The following EIPR1 variants were observed in gnomAD, a reference collection of about 807,000 sequenced individuals.
EIPR1 encodes the protein EARP and GARP complex-interacting protein 1.
Under a neutral mutation model 48.1 loss-of-function variants are expected in EIPR1, and 25 were observed. The ratio of observed to expected loss-of-function variants is 0.52; its 90% CI spans 0.38 to 0.73. The LOEUF (loss-of-function observed/expected upper bound fraction) is 0.73, where lower values mean the gene tolerates loss of function less well. EIPR1 is among the 30% of genes least tolerant of loss of function. The pLI, the probability that EIPR1 is intolerant of heterozygous loss-of-function variation, is 0.00. For missense variants in EIPR1, 415 were observed against 506.2 expected, an observed-to-expected ratio of 0.82 and a Z score of 1.73; for synonymous variants, 204 against 201.9, an observed-to-expected ratio of 1.01 and a Z score of -0.09.
At chr2:3,362,897 G>A (rs1233689395) in intron 1 of EIPR1, among the ~76,000 whole-genome samples, 3 of 152,174 alleles carry the variant, frequency 2.0e-5, no homozygotes, top group Non-Finnish European at 4.4e-5. Context: ...ACAGCAACAG[G>A]TGCCCAGGCT....
At chr2:3,239,203 G>A (rs575554320) in intron 4 of EIPR1, among the ~76,000 whole-genome samples, 2 of 152,342 alleles carry the variant, frequency 1.3e-5, no homozygotes, top group South Asian at 4.1e-4. Flanking sequence ...TCTGGGGACA[G>A]GCCCCATCAG....
At chr2:3,373,323 G>C (rs1283972100) in intron 1 of EIPR1, among the ~76,000 whole-genome samples, 1 of 151,860 alleles carries the variant, frequency 6.6e-6, no homozygotes, top group Non-Finnish European at 1.5e-5. Context: ...ACTGGCACAA[G>C]ACAGGGATGC....
intron 6 of EIPR1, among the ~76,000 whole-genome samples, chr2:3,194,967 ACACT>A (rs1279867598): frequency 6.6e-6 from 1 of 152,338 alleles, no homozygotes; most frequent in Middle Eastern, 3.4e-3. Flanking sequence ...GTGCGTTCTC[ACACT>A]CACGCGTGCA....
intron 3 of EIPR1, among the ~76,000 whole-genome samples, chr2:3,269,607 T>TCATCA (rs1667634842): frequency 9.2e-6 from 1 of 108,334 alleles, no homozygotes. Context: ...TCAATCGCAC[T>TCATCA]CAATCATCAC....
intron 4 of EIPR1, among the ~76,000 whole-genome samples, chr2:3,237,321 G>A (rs1666439365): frequency 1.3e-5 from 2 of 149,944 alleles, no homozygotes; most frequent in Admixed American, 6.7e-5. Context: ...CACAGTTGCA[G>A]TTACCTGAGG....
At chr2:3,330,041 T>C (rs1669839120) in intron 3 of EIPR1, among the ~76,000 whole-genome samples, 1 of 152,234 alleles carries the variant, frequency 6.6e-6, no homozygotes, top group Admixed American at 6.5e-5. Context: ...TCTAATGATC[T>C]TGCGGCACCA....
chr2:3,277,468 T>C (rs1367316941), intron 3 of EIPR1, among the ~76,000 whole-genome samples: 1 of 152,222 alleles, frequency 6.6e-6, no homozygotes, highest in Non-Finnish European at 1.5e-5. Flanking sequence ...CCTTACCAGG[T>C]GATGGGTGGC....
intron 3 of EIPR1, among the ~76,000 whole-genome samples, chr2:3,279,273 T>A (rs1407316103): frequency 1.3e-5 from 2 of 152,222 alleles, no homozygotes; most frequent in African/African-American, 4.8e-5. Flanking sequence ...AGGTTTCCAA[T>A]ATTTTTTCCC....
chr2:3,251,664 A>G lies in EIPR1; in HGVS notation c.416+5635T>C, dbSNP rs573718150. Reference sequence around the variant, plus strand: ...AGCAAACCAGAGGTAGAGAGGGGAAAGCAGGTTTAAAAAGAAGGGCATTTT... The same window carrying G: ...AGCAAACCAGAGGTAGAGAGGGGAAGGCAGGTTTAAAAAGAAGGGCATTTT... On this transcript the variant is annotated intron_variant, in intron 4 of 8. Coordinates refer to ENST00000382125, the MANE Select transcript of EIPR1 (RefSeq NM_003310.5). Among the ~76,000 whole-genome samples the G allele has an allele frequency of 2.6e-5, 4 of 152,356 alleles. No individual in the cohort carries two copies. In the South Asian group the frequency reaches 8.3e-4, roughly 32 times the overall value.
chr2:3,306,265 T>C (rs916995747), intron 3 of EIPR1, among the ~76,000 whole-genome samples: 3 of 152,222 alleles, frequency 2.0e-5, no homozygotes, highest in Non-Finnish European at 2.9e-5. Flanking sequence ...TCTATGGATA[T>C]TTGGTTGGAT....
At chr2:3,262,544 G>T (rs1667366061) in intron 3 of EIPR1, among the ~76,000 whole-genome samples, 1 of 152,248 alleles carries the variant, frequency 6.6e-6, no homozygotes, top group Admixed American at 6.5e-5. Context: ...AAGGCTGCCA[G>T]CTTAGGCCAA....
At chr2:3,237,671 G>A (rs188584042) in intron 4 of EIPR1, among the ~76,000 whole-genome samples, 30 of 152,266 alleles carry the variant, frequency 2.0e-4, no homozygotes, top group Non-Finnish European at 3.4e-4. Flanking sequence ...TACATGGAAC[G>A]CGCTGAGAGG....
intron 3 of EIPR1, among the ~76,000 whole-genome samples, chr2:3,287,564 C>T (rs762898502): frequency 6.6e-5 from 10 of 151,438 alleles, no homozygotes; most frequent in African/African-American, 9.7e-5. Context: ...CTAGAAAGCG[C>T]GTTCACCACG....
chr2:3,208,349 G>C, intron 5 of EIPR1: 1 of 1,067,640 alleles, frequency 9.4e-7, no homozygotes, highest in Non-Finnish European at 1.3e-6. Context: ...GAGCACCTCT[G>C]TGCCCGGGTG....
intron 5 of EIPR1, among the ~76,000 whole-genome samples, chr2:3,200,003 C>G (rs1228422780): frequency 6.6e-6 from 1 of 151,540 alleles, no homozygotes. Context: ...TGCATCTGGG[C>G]ATGCATGGGG....
intron 3 of EIPR1, among the ~76,000 whole-genome samples, chr2:3,298,088 G>T (rs1319517143): frequency 6.6e-6 from 1 of 152,188 alleles, no homozygotes; most frequent in East Asian, 1.9e-4. Flanking sequence ...AGACAGTTGG[G>T]ACTCATGGAT....
At chr2:3,225,546 G>A (rs527636806) in intron 4 of EIPR1, among the ~76,000 whole-genome samples, 10 of 152,146 alleles carry the variant, frequency 6.6e-5, no homozygotes, top group African/African-American at 1.2e-4. Flanking sequence ...ACGCCTGGCC[G>A]CAATGTGATG....
At chr2:3,260,013 A>G (rs1455753586) in intron 3 of EIPR1, among the ~76,000 whole-genome samples, 1 of 152,278 alleles carries the variant, frequency 6.6e-6, no homozygotes, top group Non-Finnish European at 1.5e-5. Context: ...GCCTTGGGAC[A>G]AGCAAAGATT....
chr2:3,289,698 C>T (rs540013059), intron 3 of EIPR1, among the ~76,000 whole-genome samples: 2 of 152,354 alleles, frequency 1.3e-5, no homozygotes, highest in East Asian at 1.9e-4. Flanking sequence ...ATCTCCCCGA[C>T]GCAGGCTCCC....
Sources: allele counts gnomAD v4.1 joint callset (sites outside exome capture counted in the v4.1 genomes callset), GRCh38; gene constraint gnomAD v4.1.1; transcripts MANE v1.5; gene names NCBI Gene and HGNC (gene_info 2026-07-23, HGNC 2026-07-21).